The following RGS12 variants were observed in gnomAD, a reference collection of about 807,000 sequenced individuals.
RGS12 encodes the protein regulator of G-protein signaling 12.
Under a neutral mutation model 120.1 loss-of-function variants are expected in RGS12, and 66 were observed. The ratio of observed to expected loss-of-function variants is 0.55; its 90% CI spans 0.45 to 0.67. RGS12 has a LOEUF of 0.67. Among genes scored for constraint, RGS12 ranks in the 30% least tolerant of loss-of-function variants. The pLI is 0.00. For synonymous variants in RGS12, 827 were observed against 804.7 expected (o/e 1.03, Z -0.47); for missense variants, 1,859 against 1,957.7 (o/e 0.95, Z 0.95).
intron 1 of RGS12, chr4:3,314,729 C>T (rs1457057155): frequency 2.6e-5 from 4 of 152,160 alleles, no homozygotes; most frequent in Non-Finnish European, 4.4e-5. Flanking sequence ...TTTAAAAAAA[C>T]ATACCCTCTA....
chr4:3,295,952 G>GA (rs1306712384), intron 1 of RGS12, among the ~76,000 whole-genome samples: 1 of 152,210 alleles, frequency 6.6e-6, no homozygotes, highest in Non-Finnish European at 1.5e-5. Context: ...TAGTTGGGCT[G>GA]AAACTGGTGT....
chr4:3,416,948 C>G lies in RGS12; in HGVS notation c.2463C>G (p.Arg821=). ...TCATGAAGTTTGATAGCTACACTCG[C>G]TTTCTGAAGTCCCCGCTGTACCAGG... The part of the protein sequence containing the change: ...FNLMKFDSYT[R]FLKSPLYQEC... The change falls in exon 8 of 18, where the codon CGC becomes CGG. Residue 821 remains arginine (R), a synonymous_variant. Transcript: ENST00000336727. 3 of 1,610,020 alleles carry G rather than the reference C, an allele frequency of 1.9e-6. No individual in the cohort carries two copies. Among genetic ancestry groups the G allele is most frequent in the Non-Finnish European group, 2.5e-6 (3 of 1,176,858 alleles).
chr4:3,431,015 A>G (rs1268321800), intron 17 of RGS12, 60 bp downstream of exon 17: 2 of 1,579,980 alleles, frequency 1.3e-6, no homozygotes, highest in Non-Finnish European at 1.7e-6. Context: ...CTCAGCTTCC[A>G]GTCAGAAAGG....
intron 3 of RGS12, among the ~76,000 whole-genome samples, chr4:3,360,421 GTTTT>G (rs967936649): frequency 1.0e-4 from 15 of 150,530 alleles, no homozygotes; most frequent in Non-Finnish European, 1.3e-4. Flanking sequence ...TTCGTTTTTT[GTTTT>G]TTGTTTTTTC....
chr4:3,388,028 G>C (rs6847900), intron 4 of RGS12, among the ~76,000 whole-genome samples: 7,635 of 152,200 alleles, frequency 0.05, 610 homozygotes, highest in African/African-American at 0.17. Context: ...GTGTGTCCTG[G>C]CTCCTCGCCA....
chr4:3,423,424 G>T, intron 12 of RGS12, 91 bp from the exon 13 acceptor site: 1 of 1,545,102 alleles, frequency 6.5e-7, no homozygotes, highest in Non-Finnish European at 8.9e-7. Flanking sequence ...CTTGAGGGCG[G>T]CCTGGGGCTG....
At chr4:3,295,008 C>T (rs922396396) in intron 1 of RGS12, among the ~76,000 whole-genome samples, 3 of 152,060 alleles carry the variant, frequency 2.0e-5, no homozygotes, top group Non-Finnish European at 4.4e-5. Flanking sequence ...ACTCGACAGG[C>T]ACTGCAAAGA....
In RGS12 at chr4:3,366,387, A is replaced by G. The variant is rs1716307803; in HGVS notation, c.1999-20029A>G. 6.6e-6 allele frequency among the ~76,000 whole-genome samples: 1 copy of G among 152,084 alleles called. No homozygotes were observed. Among genetic ancestry groups the G allele is most frequent in the African/African-American group, 2.4e-5 (1 of 41,400 alleles). On this transcript the variant is annotated intron_variant, in intron 3 of 17. Coordinates refer to ENST00000336727, the MANE Select transcript of RGS12 (RefSeq NM_001394154.1). This position sits in a 1 kb window ranked among gnomAD's most constrained non-coding sequence, Gnocchi z 4.0. ...TTTGGCTTGGCGACCAGAGGCCTCCAGGGTTAAGAGCAGGGAGAGAATCAG... is the reference window on the plus strand; with the variant it reads ...TTTGGCTTGGCGACCAGAGGCCTCCGGGGTTAAGAGCAGGGAGAGAATCAG...
At chr4:3,299,333 A>G (rs1723550592) in intron 1 of RGS12, among the ~76,000 whole-genome samples, 1 of 152,126 alleles carries the variant, frequency 6.6e-6, no homozygotes, top group South Asian at 2.1e-4. Flanking sequence ...GCCCTCCCCA[A>G]GCCCTATCTT....
Position 3,374,051 on chromosome 4 carries a change from G to A in RGS12, c.1999-12365G>A, listed in dbSNP as rs940003095. ...CCTGGGTCCTGAGGAGGAAGGCAGCGAGCCCGCTTGGCGAGGCCCTTGAGC... is the reference window on the plus strand; with the variant it reads ...CCTGGGTCCTGAGGAGGAAGGCAGCAAGCCCGCTTGGCGAGGCCCTTGAGC... On this transcript the variant is annotated intron_variant, in intron 3 of 17. Coordinates refer to ENST00000336727, the MANE Select transcript of RGS12 (RefSeq NM_001394154.1). The surrounding 1 kb of genome is among the most constrained non-coding windows in gnomAD (Gnocchi z 6.3). Among the ~76,000 whole-genome samples, 6 of 152,190 alleles carry A rather than the reference G, an allele frequency of 3.9e-5. No homozygotes were observed. Among genetic ancestry groups the A allele is most frequent in the Non-Finnish European group, 5.9e-5 (4 of 68,036 alleles).
At chr4:3,332,316 T>C (rs1349713733) in intron 2 of RGS12, among the ~76,000 whole-genome samples, 1 of 152,240 alleles carries the variant, frequency 6.6e-6, no homozygotes, top group African/African-American at 2.4e-5. Flanking sequence ...AGAAATGGCT[T>C]AATAACACAG....
chr4:3,333,808 A>G (rs1264659046), intron 2 of RGS12, among the ~76,000 whole-genome samples: 1 of 152,210 alleles, frequency 6.6e-6, no homozygotes, highest in Admixed American at 6.5e-5. Context: ...AGATTCTACA[A>G]CCAGTTTACA....
At chr4:3,359,986 C>T (rs1455336247) in intron 3 of RGS12, among the ~76,000 whole-genome samples, 2 of 152,110 alleles carry the variant, frequency 1.3e-5, no homozygotes, top group Non-Finnish European at 2.9e-5. Context: ...TCTTGAACTC[C>T]TGGGCTCAAG....
chr4:3,386,241 G>A, intron 3 of RGS12, 175 bp from the exon 4 acceptor site: 1 of 641,378 alleles, frequency 1.6e-6, no homozygotes. Context: ...GGCGGAGTGG[G>A]AGCCGTGACT....
chr4:3,337,880 A>G (rs951642081), intron 2 of RGS12, among the ~76,000 whole-genome samples: 2 of 152,220 alleles, frequency 1.3e-5, no homozygotes, highest in Admixed American at 1.3e-4. Context: ...TGAAAGTTTA[A>G]TAAAAAACGG....
At chr4:3,424,847 A>G (rs1368015295) in intron 13 of RGS12, among the ~76,000 whole-genome samples, 8 of 152,230 alleles carry the variant, frequency 5.3e-5, no homozygotes, top group Non-Finnish European at 4.4e-5. Flanking sequence ...CGCAGGGCCC[A>G]CCACGCCTGC....
chr4:3,391,195 TCA>T, intron 4 of RGS12, among the ~76,000 whole-genome samples: 1 of 152,358 alleles, frequency 6.6e-6, no homozygotes, highest in Non-Finnish European at 1.5e-5. Context: ...ATGCTCAGAA[TCA>T]CACAGTGTAT....
chr4:3,392,967 G>A (rs1719659502), intron 4 of RGS12, among the ~76,000 whole-genome samples: 2 of 152,168 alleles, frequency 1.3e-5, no homozygotes, highest in African/African-American at 4.8e-5. Context: ...CAGCCTGGGG[G>A]CAGAGTGAGA....
At chr4:3,368,067 C>T (rs958605162) in intron 3 of RGS12, among the ~76,000 whole-genome samples, 6 of 152,216 alleles carry the variant, frequency 3.9e-5, no homozygotes, top group Non-Finnish European at 8.8e-5. Context: ...GAAGGCCCCA[C>T]GCATGCCCAG....
Sources: allele counts gnomAD v4.1 joint callset (sites outside exome capture counted in the v4.1 genomes callset), GRCh38; gene constraint gnomAD v4.1.1; non-coding constraint Gnocchi (gnomAD v3.1); transcripts MANE v1.5; gene names NCBI Gene and HGNC (gene_info 2026-07-23, HGNC 2026-07-21).